CAPZA1: variants seen among roughly 807,000 people sequenced by gnomAD.
CAPZA1 encodes capping actin protein of muscle Z-line subunit alpha 1.
Under a neutral mutation model 40.8 loss-of-function variants are expected in CAPZA1, and 10 were observed. The ratio of observed to expected loss-of-function variants is 0.25; its 90% CI spans 0.15 to 0.42. The LOEUF (loss-of-function observed/expected upper bound fraction) is 0.42. Ranked by LOEUF, CAPZA1 falls within the 10% of genes least tolerant of loss-of-function variation. The probability of loss-of-function intolerance (pLI) is 1.00; values close to 1 mark genes in which losing one functional copy is unlikely to be tolerated. For synonymous variants in CAPZA1, 98 were observed against 115.0 expected, an observed-to-expected ratio of 0.85 and a Z score of 0.95; for missense variants, 277 against 353.8, an observed-to-expected ratio of 0.78 and a Z score of 1.74.
chr1:112,647,403 A>T, intron 2 of CAPZA1, 130 bp downstream of exon 2: 5 of 486,994 alleles, frequency 1.0e-5, no homozygotes, highest in Non-Finnish European at 1.4e-5. Context: ...AATTGAAATA[A>T]CTTGTCCAAG....
rs1174468736 is a variant in CAPZA1, at chr1:112,654,543, C to T, written c.298C>T (p.His100Tyr). The T allele has an allele frequency of 6.2e-7, 1 of 1,613,868 alleles. No individual in the cohort carries two copies. The highest frequency in any genetic ancestry group is 1.1e-5 in the South Asian group (1 of 91,080). Residue 100 changes from histidine (H) to tyrosine (Y), a missense_variant, in exon 5 of 10, where the codon CAC becomes TAC. Around this residue, in one of 2 missense-constraint regions of CAPZA1, gnomAD observed 192 missense variants for 277.2 expected, o/e 0.69. Transcript: ENST00000263168. ...AAACAAAATTTCCTTTAAATTTGAC[C>T]ACTTACGGAAAGAAGCAAGTGACCC... ...PRNKISFKFD[H>Y]LRKEASDPQP...
At chr1:112,643,666 A>G (rs1441599100) in intron 1 of CAPZA1, among the ~76,000 whole-genome samples, 1 of 152,214 alleles carries the variant, frequency 6.6e-6, no homozygotes, top group East Asian at 1.9e-4. Context: ...ATGGACCAAC[A>G]GAGACAGTTA....
At chr1:112,668,019 CTCACACCTGTAA>C (rs1671758024) in intron 8 of CAPZA1, among the ~76,000 whole-genome samples, 1 of 152,028 alleles carries the variant, frequency 6.6e-6, no homozygotes, top group Admixed American at 6.6e-5. Context: ...GGAGTGGTGG[CTCACACCTGTAA>C]TCCCAGCACT....
intron 3 of CAPZA1, 81 bp downstream of exon 3, chr1:112,649,550 A>G: frequency 1.7e-6 from 2 of 1,159,948 alleles, no homozygotes; most frequent in South Asian, 1.3e-5. Context: ...CACCCTGAAA[A>G]CAAAGTTTAA....
rs917226427 is a variant in CAPZA1 at position 112,657,088 on chromosome 1, G to C, written c.427-1934G>C. ...GGCTAATTTTTGTATTTTTAGTAGA[G>C]ACGGGGTTTCACTGTGTTGGCCAGG... On this transcript the variant is annotated intron_variant, in intron 5 of 9. Coordinates refer to ENST00000263168, the MANE Select transcript of CAPZA1 (RefSeq NM_006135.3). Among the ~76,000 whole-genome samples, 9 of 151,982 alleles carry C rather than the reference G, an allele frequency of 5.9e-5. 1 individual carries two copies. Among genetic ancestry groups the C allele is most frequent in the Non-Finnish European group, 4.4e-5 (3 of 67,994 alleles).
At position 112,670,154 on chromosome 1, in the gene CAPZA1, A is replaced by G. The variant is rs752864875; in HGVS notation, c.*22A>G. Reference sequence around the variant, plus strand: ...TTAAAGGCTGAATGTAGGATTCTTCAGTATGTGGAAAGACAAGGATTCAAC... The same window carrying G: ...TTAAAGGCTGAATGTAGGATTCTTCGGTATGTGGAAAGACAAGGATTCAAC... On this transcript the variant is annotated 3_prime_UTR_variant, in exon 10 of 10. Transcript: ENST00000263168. The G allele has an allele frequency of 6.2e-7, 1 of 1,612,968 alleles. No homozygotes were observed. Among genetic ancestry groups the G allele is most frequent in the Non-Finnish European group, 8.5e-7 (1 of 1,179,012 alleles).
Position 112,649,440 on chromosome 1 carries a change from T to G in CAPZA1, c.126T>G (p.Asn42Lys). 6.2e-7 allele frequency: 1 copy of G among 1,612,994 alleles called. No individual in the cohort carries two copies. Among genetic ancestry groups the G allele is most frequent in the Admixed American group, 1.7e-5 (1 of 59,940 alleles). ...CAGACGTTCGGCTACTACTTAATAA[T>G]GACAATCTCCTCAGGGAAGGGGCAG... ...VFNDVRLLLN[N>K]DNLLREGAAH... The change falls in exon 3 of 10, where the codon AAT becomes AAG. Residue 42 changes from asparagine (N) to lysine (K), a missense_variant. Asn to Lys is a moderately conservative substitution (Grantham distance 94). Transcript: ENST00000263168.
intron 1 of CAPZA1, among the ~76,000 whole-genome samples, chr1:112,646,511 A>T (rs539466148): frequency 5.5e-4 from 84 of 152,312 alleles, no homozygotes; most frequent in Non-Finnish European, 9.8e-4. Context: ...CAGGAATTTG[A>T]GGCTGCAGTA....
intron 3 of CAPZA1, among the ~76,000 whole-genome samples, chr1:112,651,446 TG>T (rs1332704795): frequency 6.6e-6 from 1 of 152,036 alleles, no homozygotes; most frequent in Admixed American, 6.6e-5. Context: ...GTGGTAGCAG[TG>T]GGGGTGGTGG....
intron 2 of CAPZA1, among the ~76,000 whole-genome samples, chr1:112,648,959 G>A (rs890769619): frequency 2.1e-4 from 29 of 139,260 alleles, no homozygotes; most frequent in Admixed American, 1.5e-3. Context: ...GTGAGACTTC[G>A]TCTCAAAAAA....
intron 7 of CAPZA1, among the ~76,000 whole-genome samples, chr1:112,665,839 A>G (rs1671714366): frequency 6.6e-6 from 1 of 152,220 alleles, no homozygotes; most frequent in African/African-American, 2.4e-5. Flanking sequence ...TTGGGAAGGT[A>G]CCAACATTAA....
chr1:112,653,569 TTTTTTAAA>T, intron 3 of CAPZA1, 21 bp from the exon 4 acceptor site: 1 of 1,411,956 alleles, frequency 7.1e-7, no homozygotes, highest in African/African-American at 1.6e-5. Flanking sequence ...TTTTTTTTTT[TTTTTTAAA>T]AAACTTTTAA....
At chr1:112,636,669 A>G (rs1264981433) in intron 1 of CAPZA1, among the ~76,000 whole-genome samples, 1 of 152,066 alleles carries the variant, frequency 6.6e-6, no homozygotes, top group Non-Finnish European at 1.5e-5. Flanking sequence ...TAAAACCTTC[A>G]TATTAGTGAT....
chr1:112,656,855 C>T (rs1201203416), intron 5 of CAPZA1, among the ~76,000 whole-genome samples: 2 of 151,940 alleles, frequency 1.3e-5, no homozygotes, highest in East Asian at 3.9e-4. Context: ...TGTCCTCTGA[C>T]AGGCATCTAA....
chr1:112,653,974 G>A (rs898883098), intron 4 of CAPZA1, among the ~76,000 whole-genome samples: 10 of 152,206 alleles, frequency 6.6e-5, no homozygotes, highest in African/African-American at 2.2e-4. Context: ...AAACAGAGGC[G>A]TTCCTCCTGA....
intron 1 of CAPZA1, among the ~76,000 whole-genome samples, chr1:112,637,993 G>A (rs1326728448): frequency 6.6e-6 from 1 of 152,196 alleles, no homozygotes; most frequent in East Asian, 1.9e-4. Flanking sequence ...TTGGACTTTG[G>A]GGGATGTTGG....
chr1:112,668,881 A>G (rs572191559), intron 8 of CAPZA1, among the ~76,000 whole-genome samples: 169 of 152,328 alleles, frequency 1.1e-3, no homozygotes, highest in African/African-American at 4.0e-3. Context: ...AAAGTGAAAC[A>G]GGCAAATAAC....
intron 1 of CAPZA1, among the ~76,000 whole-genome samples, chr1:112,624,605 C>CAAAAAAAAA (rs34860716): frequency 1.8e-5 from 1 of 55,828 alleles, no homozygotes; most frequent in Non-Finnish European, 3.0e-5. Flanking sequence ...AAAACTCCAT[C>CAAAAAAAAA]AAAAAAAAAA....
chr1:112,640,984 G>A (rs1016173621), intron 1 of CAPZA1, among the ~76,000 whole-genome samples: 1 of 152,010 alleles, frequency 6.6e-6, no homozygotes, highest in Non-Finnish European at 1.5e-5. Context: ...GATTAAGGGC[G>A]GTGCAAGATG....
Sources: allele counts gnomAD v4.1 joint callset (sites outside exome capture counted in the v4.1 genomes callset), GRCh38; gene constraint gnomAD v4.1.1; regional missense constraint gnomAD v4.1.1; transcripts MANE v1.5; gene names NCBI Gene and HGNC (gene_info 2026-07-23, HGNC 2026-07-21).